BCL2L10: variants seen among roughly 807,000 people sequenced by gnomAD.
The protein encoded by BCL2L10 is BCL2 like 10.
A neutral mutation model predicts 11.1 loss-of-function variants in BCL2L10; 14 were observed. That is an observed-to-expected ratio of 1.26 (90% CI 0.83 to 1.96). The LOEUF is 1.96. Among genes scored for constraint, BCL2L10 ranks in the 30% most tolerant of loss-of-function variants. BCL2L10 has a pLI of 0.00. For missense variants in BCL2L10, 309 were observed against 273.9 expected, an observed-to-expected ratio of 1.13 and a Z score of -0.90; for synonymous variants, 154 against 133.4, an observed-to-expected ratio of 1.15 and a Z score of -1.07.
chr15:52,111,145 A>C (rs2033047971), intron 1 of BCL2L10, among the ~76,000 whole-genome samples: 1 of 146,620 alleles, frequency 6.8e-6, no homozygotes, highest in Admixed American at 7.0e-5. Context: ...GATCTTGGCC[A>C]ACATGGTGAA....
Position 52,109,522 on chromosome 15 carries a change from C to T in BCL2L10, c.*326G>A, listed in dbSNP as rs190055812. On this transcript the variant is annotated 3_prime_UTR_variant, in exon 2 of 2. Coordinates refer to ENST00000260442, the MANE Select transcript of BCL2L10 (RefSeq NM_020396.4). Reference sequence around the variant, plus strand: ...TGAAGTTGTGGAGAGATGAGAGGTTCGCACTCTTATCCAAGTTTTAGCAAA... The same window carrying T: ...TGAAGTTGTGGAGAGATGAGAGGTTTGCACTCTTATCCAAGTTTTAGCAAA... 1.0e-3 allele frequency: 210 copies of T among 209,540 alleles called. 3 individuals carry two copies. Among genetic ancestry groups the T allele is most frequent in the South Asian group, 8.4e-3 (48 of 5,716 alleles). The allele number at this position is 209,540 out of a possible 1,614,324, so 13.0% of individuals were successfully genotyped here.
intron 1 of BCL2L10, among the ~76,000 whole-genome samples, chr15:52,110,492 G>C (rs1265110788): frequency 6.6e-6 from 1 of 151,944 alleles, no homozygotes; most frequent in Admixed American, 6.5e-5. Context: ...GGAGTGCAAT[G>C]GCAAGATCTC....
At chr15:52,111,170 G>GAA (rs755691356) in intron 1 of BCL2L10, among the ~76,000 whole-genome samples, 1 of 79,766 alleles carries the variant, frequency 1.3e-5, no homozygotes. Flanking sequence ...CATCTCTACT[G>GAA]AAAACACACA....
intron 1 of BCL2L10, 148 bp downstream of exon 1, chr15:52,112,090 C>T (rs2033064599): frequency 1.5e-6 from 2 of 1,351,512 alleles, no homozygotes; most frequent in Non-Finnish European, 1.9e-6. Flanking sequence ...TCACAGCGAA[C>T]GTTCCAGGCC....
At position 52,111,715 on chromosome 15, in the gene BCL2L10, T is replaced by C. The variant is rs1362878167; in HGVS notation, c.489+523A>G. Reference sequence around the variant, plus strand: ...GCAGAGGACTAGAAATTAAGGAACCTTGGGTCAGCGCCACCACTGGGCGAC... The same window carrying C: ...GCAGAGGACTAGAAATTAAGGAACCCTGGGTCAGCGCCACCACTGGGCGAC... On this transcript the variant is annotated intron_variant, in intron 1 of 1. Transcript: ENST00000260442. 2.0e-5 allele frequency among the ~76,000 whole-genome samples: 3 copies of C among 151,972 alleles called. 1 individual carries two copies. In the South Asian group the frequency reaches 6.2e-4, roughly 32 times the overall value.
chr15:52,111,224 C>T (rs2033051082), intron 1 of BCL2L10, among the ~76,000 whole-genome samples: 1 of 98,604 alleles, frequency 1.0e-5, no homozygotes, highest in South Asian at 3.7e-4. Context: ...ACACAGTTAG[C>T]CAGGCTTGGT....
intron 1 of BCL2L10, among the ~76,000 whole-genome samples, chr15:52,111,213 CACACA>C (rs2033049968): frequency 6.8e-6 from 1 of 146,642 alleles, no homozygotes; most frequent in South Asian, 2.1e-4. Flanking sequence ...CACACACACA[CACACA>C]GTTAGCCAGG....
rs1389055434 is a variant in BCL2L10 at position 52,112,714 on chromosome 15, A to G, written c.13T>C (p.Leu5=). The G allele has an allele frequency of 3.3e-6, 5 of 1,534,722 alleles. No homozygotes were observed. The highest frequency in any genetic ancestry group is 1.9e-4 in the Middle Eastern group (1 of 5,358). MVDQ[L]RERTTMADPL... Reference sequence around the variant, plus strand: ...TCGGCCATGGTGGTGCGCTCCCGCAACTGGTCAACCATGGTCCGGCCTCTG... The same window carrying G: ...TCGGCCATGGTGGTGCGCTCCCGCAGCTGGTCAACCATGGTCCGGCCTCTG... Residue 5 remains leucine, a synonymous_variant, in exon 1 of 2, where the codon TTG becomes CTG. Coordinates refer to ENST00000260442, the MANE Select transcript of BCL2L10 (RefSeq NM_020396.4).
chr15:52,112,578 C>T lies in BCL2L10; in HGVS notation c.149G>A (p.Arg50His). The change falls in exon 1 of 2, where the codon CGC becomes CAC. Residue 50 changes from arginine to histidine, a missense_variant. Coordinates refer to ENST00000260442, the MANE Select transcript of BCL2L10 (RefSeq NM_020396.4). ...APSTPEAAVLRSAAARLRQIH... is the reference protein window; with the variant it reads ...APSTPEAAVLHSAAARLRQIH... ...CTGCCGTAACCTGGCGGCCGCGGAGCGCAGCACGGCGGCCTCGGGCGTGGA... is the reference window on the plus strand; with the variant it reads ...CTGCCGTAACCTGGCGGCCGCGGAGTGCAGCACGGCGGCCTCGGGCGTGGA... 6.3e-7 allele frequency: 1 copy of T among 1,578,766 alleles called. No individual in the cohort carries two copies. The highest frequency in any genetic ancestry group is 8.5e-7 in the Non-Finnish European group (1 of 1,170,336).
At position 52,112,261 on chromosome 15, in the gene BCL2L10, A is replaced by G. The variant is rs1489727184; in HGVS notation, c.466T>C (p.Trp156Arg). Residue 156 changes from tryptophan to arginine, a missense_variant, in exon 1 of 2, where the codon TGG becomes CGG. Trp to Arg is a moderately radical substitution (Grantham distance 101, BLOSUM62 -3). Transcript: ENST00000260442. ...ACCCAGCCGCCCTGAGCCTGCAGCC[A>G]GGCGCGGTGCTGCCCCATGAGCCGC... ...SSRLMGQHRA[W>R]LQAQGGWDGF... The G allele has an allele frequency of 3.9e-6, 6 of 1,526,618 alleles. No homozygotes were observed. Among genetic ancestry groups the G allele is most frequent in the Non-Finnish European group, 5.3e-6 (6 of 1,141,782 alleles). 94.6% of individuals were successfully genotyped at this position (1,526,618 alleles called of 1,614,324 possible). A position where few individuals can be genotyped will look rare whatever the true frequency, so the allele number is the denominator to read the frequency against.
intron 1 of BCL2L10, among the ~76,000 whole-genome samples, chr15:52,111,595 G>C (rs1445437543): frequency 6.6e-6 from 1 of 152,162 alleles, no homozygotes; most frequent in East Asian, 1.9e-4. Context: ...ATCATCAGCT[G>C]CAGGGCAAGG....
chr15:52,109,552 A>T lies in BCL2L10; in HGVS notation c.*296T>A. On this transcript the variant is annotated 3_prime_UTR_variant, in exon 2 of 2. Transcript: ENST00000260442. ...TCTTATCCAAGTTTTAGCAAATAGC[A>T]CTGTATTTCCCATTTAATGGAATGC... 3.5e-6 allele frequency: 1 copy of T among 281,884 alleles called. No homozygotes were observed. The highest frequency in any genetic ancestry group is 6.6e-6 in the Non-Finnish European group (1 of 152,468). 17.5% of individuals were successfully genotyped at this position (281,884 alleles called of 1,614,324 possible). A position where few individuals can be genotyped will look rare whatever the true frequency, so the allele number is the denominator to read the frequency against.
intron 1 of BCL2L10, among the ~76,000 whole-genome samples, chr15:52,110,738 T>G (rs2033041740): frequency 6.6e-6 from 1 of 152,146 alleles, no homozygotes; most frequent in Non-Finnish European, 1.5e-5. Flanking sequence ...CAGCCAAGAA[T>G]TTCAGCTCCT....
At position 52,109,904 on chromosome 15, in the gene BCL2L10, A is replaced by T. The variant is rs1566926567; in HGVS notation, c.559T>A (p.Phe187Ile). 1 of 1,613,960 alleles carries T rather than the reference A, an allele frequency of 6.2e-7. No homozygotes were observed. The highest frequency in any genetic ancestry group is 2.2e-5 in the East Asian group (1 of 44,878). The change falls in exon 2 of 2, where the codon TTT becomes ATT. Residue 187 changes from phenylalanine (F) to isoleucine (I), a missense_variant. Physicochemically the swap from Phe to Ile is conservative, Grantham distance 21. Transcript: ENST00000260442. ...AFWRKQLVQA[F>I]LSCLLTTAFI... ...GCTGTTGTTAACAAGCATGACAGAAAAGCCTGGACCAGCTGTTTTCTCCAA... is the reference window on the plus strand; with the variant it reads ...GCTGTTGTTAACAAGCATGACAGAATAGCCTGGACCAGCTGTTTTCTCCAA...
Position 52,112,715 on chromosome 15 carries a change from C to A in BCL2L10, c.12G>T (p.Gln4His), listed in dbSNP as rs2033085257. 5.9e-6 allele frequency: 9 copies of A among 1,535,584 alleles called. No homozygotes were observed. Among genetic ancestry groups the A allele is most frequent in the Non-Finnish European group, 7.8e-6 (9 of 1,146,946 alleles). ...CGGCCATGGTGGTGCGCTCCCGCAA[C>A]TGGTCAACCATGGTCCGGCCTCTGC... is the stretch of plus-strand genomic sequence containing the variant. MVD[Q>H]LRERTTMADP... Residue 4 changes from glutamine (Q) to histidine (H), a missense_variant, in exon 1 of 2, where the codon CAG becomes CAT. Coordinates refer to ENST00000260442, the MANE Select transcript of BCL2L10 (RefSeq NM_020396.4).
rs1596040598 is a variant in BCL2L10 at position 52,112,378 on chromosome 15, G to A, written c.349C>T (p.Arg117Trp). 1 of 1,602,828 alleles carries A rather than the reference G, an allele frequency of 6.2e-7. No homozygotes were observed. Among genetic ancestry groups the A allele is most frequent in the Non-Finnish European group, 8.5e-7 (1 of 1,177,784 alleles). ...LLERGPLVTA[R>W]WKKWGFQPRL... is the part of the protein sequence containing the mutation. Reference sequence around the variant, plus strand: ...GGCTGGAAGCCCCACTTCTTCCACCGGGCGGTCACCAGCGGCCCTCTCTCC... The same window carrying A: ...GGCTGGAAGCCCCACTTCTTCCACCAGGCGGTCACCAGCGGCCCTCTCTCC... Residue 117 changes from arginine (R) to tryptophan (W), a missense_variant, in exon 1 of 2, where the codon CGG (arginine) becomes TGG (tryptophan). Arg to Trp is a moderately radical substitution (Grantham distance 101, BLOSUM62 -3). Coordinates refer to ENST00000260442, the MANE Select transcript of BCL2L10 (RefSeq NM_020396.4).
In BCL2L10 at chr15:52,112,697, G is replaced by A. The variant is rs754760319; in HGVS notation, c.30C>T (p.Thr10=). The A allele has an allele frequency of 7.2e-6, 11 of 1,536,634 alleles. No homozygotes were observed. The African/African-American group carries it at 1.4e-4, about 19-fold the overall frequency. ...TGCGCTCCCGCAGCGGGTCGGCCAT[G>A]GTGGTGCGCTCCCGCAACTGGTCAA... The part of the protein sequence containing the change: MVDQLRERT[T]MADPLRERTE... The change falls in exon 1 of 2, where the codon ACC becomes ACT. Residue 10 remains threonine (T), a synonymous_variant. Transcript: ENST00000260442.
At chr15:52,110,243 C>T (rs2033034155) in intron 1 of BCL2L10, among the ~76,000 whole-genome samples, 1 of 152,158 alleles carries the variant, frequency 6.6e-6, no homozygotes, top group South Asian at 2.1e-4. Flanking sequence ...AGGAAGGTAG[C>T]TTATTATGCT....
At chr15:52,110,930 G>A (rs1284375732) in intron 1 of BCL2L10, among the ~76,000 whole-genome samples, 1 of 152,054 alleles carries the variant, frequency 6.6e-6, no homozygotes, top group Non-Finnish European at 1.5e-5. Flanking sequence ...GGAGTTCACC[G>A]GCCCAGAGGG....
Sources: allele counts gnomAD v4.1 joint callset (sites outside exome capture counted in the v4.1 genomes callset), GRCh38; gene constraint gnomAD v4.1.1; transcripts MANE v1.5; gene names NCBI Gene and HGNC (gene_info 2026-07-23, HGNC 2026-07-21).